Variants in WDPCP observed in about 807,000 individuals in gnomAD.
WDPCP encodes the protein WD repeat containing planar cell polarity effector.
Under a neutral mutation model 93.1 loss-of-function variants are expected in WDPCP, and 71 were observed. The ratio of observed to expected loss-of-function variants is 0.76; its 90% CI spans 0.63 to 0.93. WDPCP has a LOEUF of 0.93. WDPCP is among the 40% of genes least tolerant of loss of function. WDPCP has a pLI of 0.00. For missense variants in WDPCP, 844 were observed against 887.4 expected, an observed-to-expected ratio of 0.95 and a Z score of 0.62; for synonymous variants, 315 against 315.0, an observed-to-expected ratio of 1.00 and a Z score of 0.00.
chr2:63,783,375 G>C (rs746064432), intron 2 of WDPCP, among the ~76,000 whole-genome samples: 2 of 152,076 alleles, frequency 1.3e-5, no homozygotes, highest in South Asian at 4.2e-4. Context: ...AGACATGTTC[G>C]CACCACTGCA....
intron 1 of WDPCP, among the ~76,000 whole-genome samples, chr2:63,581,473 G>C (rs1038790620): frequency 6.6e-6 from 1 of 152,130 alleles, no homozygotes; most frequent in Non-Finnish European, 1.5e-5. Context: ...ATATCGGGCT[G>C]GGAATAGTGC....
At chr2:63,243,193 T>C (rs1158717728) in intron 14 of WDPCP, among the ~76,000 whole-genome samples, 1 of 152,186 alleles carries the variant, frequency 6.6e-6, no homozygotes, top group Non-Finnish European at 1.5e-5. Context: ...GGAAAACTTA[T>C]TGAATGGCCA....
At chr2:63,757,205 A>G (rs933090898) in intron 2 of WDPCP, among the ~76,000 whole-genome samples, 2 of 152,250 alleles carry the variant, frequency 1.3e-5, no homozygotes, top group Non-Finnish European at 2.9e-5. Flanking sequence ...ACAGAGACCA[A>G]TAAGCAAAAG....
At chr2:63,483,242 G>GT in intron 6 of WDPCP, among the ~76,000 whole-genome samples, 1 of 151,838 alleles carries the variant, frequency 6.6e-6, no homozygotes, top group Middle Eastern at 3.2e-3. Context: ...TGTTTTTAAC[G>GT]TGAGTAATGG....
At chr2:63,783,923 C>T (rs1044531791) in intron 2 of WDPCP, among the ~76,000 whole-genome samples, 19 of 152,194 alleles carry the variant, frequency 1.2e-4, no homozygotes, top group African/African-American at 4.1e-4. Context: ...TTATACAAAT[C>T]AAAAGAAAAA....
At chr2:63,797,798 G>A (rs936551613) in intron 2 of WDPCP, among the ~76,000 whole-genome samples, 2 of 152,016 alleles carry the variant, frequency 1.3e-5, no homozygotes, top group African/African-American at 4.8e-5. Context: ...CCCATACCTA[G>A]AGAAAGATAT....
upstream of WDPCP, among the ~76,000 whole-genome samples, chr2:63,832,664 A>T (rs1019120702): frequency 6.6e-6 from 1 of 152,220 alleles, no homozygotes; most frequent in East Asian, 1.9e-4. Flanking sequence ...ACACCTATAC[A>T]GTACTCTACA....
At chr2:63,410,278 T>A (rs541741053) in intron 9 of WDPCP, among the ~76,000 whole-genome samples, 2 of 152,196 alleles carry the variant, frequency 1.3e-5, no homozygotes, top group Non-Finnish European at 2.9e-5. Context: ...AAGTATCATA[T>A]GTGAATGAAA....
chr2:63,528,459 T>C (rs920411368), intron 1 of WDPCP, among the ~76,000 whole-genome samples: 7 of 152,236 alleles, frequency 4.6e-5, no homozygotes, highest in Admixed American at 4.6e-4. Context: ...CCCAGCACCA[T>C]TTATTAAATA....
At chr2:63,608,218 G>A (rs1160031306) in intron 3 of WDPCP, among the ~76,000 whole-genome samples, 1 of 152,050 alleles carries the variant, frequency 6.6e-6, no homozygotes, top group Non-Finnish European at 1.5e-5. Context: ...GGTTTTCACT[G>A]GAGGTATTAC....
chr2:63,496,267 C>A (rs969530491), intron 1 of WDPCP, among the ~76,000 whole-genome samples: 1 of 152,180 alleles, frequency 6.6e-6, no homozygotes, highest in Non-Finnish European at 1.5e-5. Context: ...ACTTGAAATT[C>A]TGTATTTCAG....
intron 14 of WDPCP, among the ~76,000 whole-genome samples, chr2:63,239,937 T>C (rs1679733090): frequency 6.6e-6 from 1 of 152,222 alleles, no homozygotes; most frequent in African/African-American, 2.4e-5. Flanking sequence ...TAAATGGATA[T>C]GAATAAATGA....
intron 12 of WDPCP, among the ~76,000 whole-genome samples, chr2:63,324,282 C>G (rs1687352977): frequency 6.6e-6 from 1 of 152,168 alleles, no homozygotes; most frequent in African/African-American, 2.4e-5. Flanking sequence ...GACCTTTCAG[C>G]TTAGTCCCAT....
upstream of WDPCP, among the ~76,000 whole-genome samples, chr2:63,589,774 C>T (rs1650246659): frequency 6.6e-6 from 1 of 152,072 alleles, no homozygotes; most frequent in Non-Finnish European, 1.5e-5. Flanking sequence ...CTTGTCTCTG[C>T]TGAAAGAGAG....
intron 9 of WDPCP, among the ~76,000 whole-genome samples, chr2:63,427,540 A>G (rs1192528022): frequency 6.6e-6 from 1 of 152,222 alleles, no homozygotes; most frequent in Non-Finnish European, 1.5e-5. Flanking sequence ...TTTGAAATCA[A>G]CGAAAACAGA....
chr2:63,320,392 A>G (rs4671481), intron 12 of WDPCP, among the ~76,000 whole-genome samples: 121,920 of 152,180 alleles, frequency 0.8, 49,717 homozygotes, highest in East Asian at 0.96. Flanking sequence ...ATGAAAAGTA[A>G]GAGAAACAGT....
chr2:63,538,271 C>T (rs1381233864), intron 1 of WDPCP, among the ~76,000 whole-genome samples: 5 of 151,864 alleles, frequency 3.3e-5, no homozygotes, highest in African/African-American at 1.2e-4. Flanking sequence ...TGAAAAATTA[C>T]AAAATTAGAT....
intron 3 of WDPCP, among the ~76,000 whole-genome samples, chr2:63,625,760 G>C (rs1286959837): frequency 2.6e-5 from 4 of 152,136 alleles, no homozygotes; most frequent in Non-Finnish European, 5.9e-5. Flanking sequence ...TGGCCATACT[G>C]CCTAAAGTAA....
At chr2:63,460,662 CTT>C in intron 6 of WDPCP, among the ~76,000 whole-genome samples, 1 of 149,376 alleles carries the variant, frequency 6.7e-6, no homozygotes, top group Non-Finnish European at 1.5e-5. Context: ...GTAAGTCTCT[CTT>C]TTTTTTTTGA....
Sources: gnomAD v4.1 joint callset for allele counts (sites outside exome capture counted in the v4.1 genomes callset) on GRCh38, gnomAD v4.1.1 for gene constraint, MANE v1.5 for transcripts, NCBI Gene and HGNC (gene_info 2026-07-23, HGNC 2026-07-21) for gene names.